NAALADL2: variants seen among roughly 807,000 people sequenced by gnomAD.
NAALADL2 encodes the protein inactive N-acetylated-alpha-linked acidic dipeptidase-like protein 2.
Under a neutral mutation model 87.2 loss-of-function variants are expected in NAALADL2, and 76 were observed. The observed-to-expected ratio is 0.87, with a 90% confidence interval of 0.72 to 1.05. NAALADL2 has a LOEUF of 1.05. NAALADL2 is among the 50% of genes least tolerant of loss of function. The pLI, the probability that NAALADL2 is intolerant of heterozygous loss-of-function variation, is 0.00. For synonymous variants in NAALADL2, 354 were observed against 331.0 expected (o/e 1.07, Z -0.75); for missense variants, 1,089 against 945.8 (o/e 1.15, Z -1.99).
chr3:174,456,854 C>A (rs76526532), intron 1 of NAALADL2, among the ~76,000 whole-genome samples: 41,586 of 151,664 alleles, frequency 0.27, 6,102 homozygotes, highest in South Asian at 0.45. Flanking sequence ...GCAGCAAAAG[C>A]AAAAAAGTGA....
In NAALADL2 at chr3:175,755,373, T is replaced by C. The variant is rs1559977018; in HGVS notation, c.2144T>C (p.Met715Thr). The change falls in exon 13 of 14, where the codon ATG becomes ACG. Residue 715 changes from methionine (M) to threonine (T), a missense_variant. Coordinates refer to ENST00000454872, the MANE Select transcript of NAALADL2 (RefSeq NM_207015.3). ...ATGCTGAATGACATTCTCCAAGACA[T>C]GGAGAAAAGCTTTCTGGTAAAGCAG... ...IRMLNDILQD[M>T]EKSFLVKQAP... 1.2e-6 allele frequency: 2 copies of C among 1,610,176 alleles called. No homozygotes were observed. Among genetic ancestry groups the C allele is most frequent in the Non-Finnish European group, 1.7e-6 (2 of 1,177,970 alleles).
At chr3:175,611,800 G>C (rs1445319164) in intron 10 of NAALADL2, among the ~76,000 whole-genome samples, 1 of 152,116 alleles carries the variant, frequency 6.6e-6, no homozygotes, top group Non-Finnish European at 1.5e-5. Flanking sequence ...AGTCTTCAGA[G>C]ACACTCATTG....
At chr3:175,347,647 G>A (rs1263143674) in intron 5 of NAALADL2, among the ~76,000 whole-genome samples, 1 of 152,156 alleles carries the variant, frequency 6.6e-6, no homozygotes, top group Non-Finnish European at 1.5e-5. Flanking sequence ...ATGGCTTTAT[G>A]TCAAGATTTC....
chr3:175,187,770 G>A (rs2109031376), intron 2 of NAALADL2, among the ~76,000 whole-genome samples: 1 of 152,122 alleles, frequency 6.6e-6, no homozygotes, highest in Non-Finnish European at 1.5e-5. Flanking sequence ...GAAAGCATTG[G>A]CTGCCTCCCA....
At chr3:175,294,940 T>A (rs112486243) in intron 4 of NAALADL2, among the ~76,000 whole-genome samples, 1 of 152,318 alleles carries the variant, frequency 6.6e-6, no homozygotes, top group East Asian at 1.9e-4. Context: ...TGCTTCTTAA[T>A]AGCTGTGTGA....
intron 12 of NAALADL2, among the ~76,000 whole-genome samples, chr3:175,740,936 G>A (rs1017605217): frequency 1.3e-5 from 2 of 152,146 alleles, no homozygotes; most frequent in Non-Finnish European, 2.9e-5. Flanking sequence ...TGGTATAGGT[G>A]ATAAAAAAGT....
At chr3:175,793,649 T>C (rs1029820267) in intron 13 of NAALADL2, among the ~76,000 whole-genome samples, 2 of 152,092 alleles carry the variant, frequency 1.3e-5, no homozygotes, top group African/African-American at 4.8e-5. Flanking sequence ...AATATAAATA[T>C]AGAATAAAGT....
At chr3:175,197,517 C>T (rs1049496758) in intron 2 of NAALADL2, among the ~76,000 whole-genome samples, 9 of 151,898 alleles carry the variant, frequency 5.9e-5, no homozygotes, top group African/African-American at 2.2e-4. Context: ...AGGGGACACA[C>T]CCATTTCAAA....
intron 4 of NAALADL2, among the ~76,000 whole-genome samples, chr3:175,258,340 AAAAG>A (rs1226841949): frequency 1.3e-5 from 2 of 150,072 alleles, no homozygotes; most frequent in Admixed American, 1.3e-4. Context: ...AAAAAAAAAA[AAAAG>A]AAAGAAACAA....
chr3:175,483,820 C>A (rs984739653), intron 9 of NAALADL2, among the ~76,000 whole-genome samples: 1 of 152,060 alleles, frequency 6.6e-6, no homozygotes, highest in South Asian at 2.1e-4. Context: ...TTGACGCAAA[C>A]GTAATTGCTG....
intron 2 of NAALADL2, among the ~76,000 whole-genome samples, chr3:174,608,644 C>G (rs1719405908): frequency 6.6e-6 from 1 of 152,220 alleles, no homozygotes. Flanking sequence ...AGACCAATAA[C>G]AGGCTCTGAA....
intron 11 of NAALADL2, among the ~76,000 whole-genome samples, chr3:175,655,833 T>C (rs917524551): frequency 6.6e-6 from 1 of 152,184 alleles, no homozygotes; most frequent in African/African-American, 2.4e-5. Context: ...AGATGCATGC[T>C]ACAGATGTTA....
chr3:174,929,468 A>G (rs1736551614), intron 1 of NAALADL2, among the ~76,000 whole-genome samples: 1 of 152,200 alleles, frequency 6.6e-6, no homozygotes, highest in South Asian at 2.1e-4. Context: ...TAGAATTGTG[A>G]TGAAAGAATT....
At chr3:175,786,744 G>A (rs1752024123) in intron 13 of NAALADL2, among the ~76,000 whole-genome samples, 1 of 152,058 alleles carries the variant, frequency 6.6e-6, no homozygotes, top group Non-Finnish European at 1.5e-5. Flanking sequence ...TGCTGGTGAG[G>A]AACTGCGTTC....
chr3:174,772,066 T>C (rs572929), intron 3 of NAALADL2, among the ~76,000 whole-genome samples: 80,297 of 151,932 alleles, frequency 0.53, 21,606 homozygotes, highest in Middle Eastern at 0.64. Flanking sequence ...TTAGTTTTGA[T>C]GATCATTGGT....
At chr3:174,521,973 C>G (rs1353471420) in intron 1 of NAALADL2, among the ~76,000 whole-genome samples, 3 of 152,084 alleles carry the variant, frequency 2.0e-5, no homozygotes, top group Admixed American at 6.6e-5. Context: ...GTGGCATGCA[C>G]CTGTCATCCC....
chr3:175,224,117 G>C (rs970555237), intron 2 of NAALADL2, among the ~76,000 whole-genome samples: 6 of 152,200 alleles, frequency 3.9e-5, no homozygotes, highest in African/African-American at 1.4e-4. Context: ...ACCTGCAGAG[G>C]TGGGGACCAG....
rs74945334 is a variant in NAALADL2, at chr3:175,261,973, T to G, written c.939+5443T>G. ...ATAGGAAATGAGAATTGGTATTTGTTTGTACTTTCAAGTAAATTGCTTCTT... is the reference window on the plus strand; with the variant it reads ...ATAGGAAATGAGAATTGGTATTTGTGTGTACTTTCAAGTAAATTGCTTCTT... On this transcript the variant is annotated intron_variant, in intron 4 of 13. Transcript: ENST00000454872. Among the ~76,000 whole-genome samples, 11 of 152,214 alleles carry G rather than the reference T, an allele frequency of 7.2e-5. No individual in the cohort carries two copies. The East Asian group carries it at 2.1e-3, about 29-fold the overall frequency.
intron 1 of NAALADL2, among the ~76,000 whole-genome samples, chr3:175,043,632 G>A (rs1194877826): frequency 1.3e-5 from 2 of 152,088 alleles, no homozygotes; most frequent in Non-Finnish European, 2.9e-5. Flanking sequence ...TTATTGAAGA[G>A]GCTATCATTT....
Sources: gnomAD v4.1 joint callset for allele counts (sites outside exome capture counted in the v4.1 genomes callset) on GRCh38, gnomAD v4.1.1 for gene constraint, MANE v1.5 for transcripts, NCBI Gene and HGNC (gene_info 2026-07-23, HGNC 2026-07-21) for gene names.